Variants in AP5S1 observed in about 807,000 individuals in gnomAD.
The protein encoded by AP5S1 is AP-5 complex subunit sigma-1.
AP5S1 carries 13 observed loss-of-function variants against 13.9 expected under a neutral mutation model. The ratio of observed to expected loss-of-function variants is 0.94; its 90% confidence interval spans 0.61 to 1.49. The LOEUF is 1.49. Among genes scored for constraint, AP5S1 ranks in the 40% most tolerant of loss-of-function variants. The probability of loss-of-function intolerance (pLI) is 0.00; values close to 1 mark genes in which losing one functional copy is unlikely to be tolerated. For synonymous variants in AP5S1, 132 were observed against 121.8 expected, an observed-to-expected ratio of 1.08 and a Z score of -0.55; for missense variants, 292 against 272.3, an observed-to-expected ratio of 1.07 and a Z score of -0.51.
chr20:3,821,860 TG>T (rs1600423733), intron 1 of AP5S1: 1 of 948,452 alleles, frequency 1.1e-6, no homozygotes, highest in East Asian at 1.2e-4. Flanking sequence ...TTTGTTTGTT[TG>T]TTTGTTTTTC....
chr20:3,822,346 T>A (rs1600424603), intron 2 of AP5S1, 53 bp downstream of exon 2: 1 of 1,548,086 alleles, frequency 6.5e-7, no homozygotes, highest in African/African-American at 1.4e-5. Context: ...CTGATTGTAA[T>A]AGGTATTTTC....
chr20:3,824,089 T>A lies in AP5S1; in HGVS notation c.395T>A (p.Leu132Gln). 1.2e-6 allele frequency: 2 copies of A among 1,613,978 alleles called. No individual in the cohort carries two copies. Among genetic ancestry groups the A allele is most frequent in the Non-Finnish European group, 1.7e-6 (2 of 1,180,022 alleles). The change falls in exon 3 of 3, where the codon CTG becomes CAG. Residue 132 changes from leucine to glutamine, a missense_variant. Coordinates refer to ENST00000615891, the MANE Select transcript of AP5S1 (RefSeq NM_018347.3). ...CTGGTGCTGGATGCCCATGAGAACC[T>A]GCTACTGGCTGAGGGCACGCTCCGG... ...FALVLDAHEN[L>Q]LLAEGTLRLL...
Position 3,822,357 on chromosome 20 carries a change from G to A in AP5S1, c.176+64G>A, listed in dbSNP as rs970348417. ...GTACCTGATTGTAATAGGTATTTTC[G>A]GGGAGTGGGGACGCAGAGAAATAGG... On this transcript the variant is annotated intron_variant, in intron 2 of 2. Transcript: ENST00000615891. 51 of 1,510,728 alleles carry A rather than the reference G, an allele frequency of 3.4e-5. No homozygotes were observed. The African/African-American group carries it at 3.8e-4, about 11-fold the overall frequency. The allele number at this position is 1,510,728 out of a possible 1,614,324, so 93.6% of individuals were successfully genotyped here.
chr20:3,821,582 G>C (rs760795917), intron 1 of AP5S1, among the ~76,000 whole-genome samples: 2 of 152,066 alleles, frequency 1.3e-5, no homozygotes, highest in Non-Finnish European at 2.9e-5. Flanking sequence ...TGGCAGGCTG[G>C]TCTGGAACTC....
chr20:3,821,911 C>T (rs1352169059), intron 1 of AP5S1, 191 bp from the exon 2 acceptor site: 1 of 931,064 alleles, frequency 1.1e-6, no homozygotes, highest in Non-Finnish European at 1.3e-6. Flanking sequence ...GCCTATTCTG[C>T]TTATGTATGT....
rs6116060 is a variant in AP5S1, at chr20:3,827,993, C to T, written c.*3696C>T. ...GCCAGGCTGGTCTCGAACTCCTTAC[C>T]TCAGGTGATCCACCCATATTGGCCT... On this transcript the variant is annotated 3_prime_UTR_variant, in exon 3 of 3. Transcript: ENST00000615891. 1 of 151,870 alleles carries T rather than the reference C, an allele frequency of 6.6e-6. No individual in the cohort carries two copies. The highest frequency in any genetic ancestry group is 1.5e-5 in the Non-Finnish European group (1 of 67,994). 9.4% of individuals were successfully genotyped at this position (151,870 alleles called of 1,614,324 possible). A position where few individuals can be genotyped will look rare whatever the true frequency, so the allele number is the denominator to read the frequency against.
In AP5S1 at chr20:3,824,749, A is replaced by G. The variant is rs1342109984; in HGVS notation, c.*452A>G. The G allele has an allele frequency of 6.2e-6, 1 of 161,874 alleles. No homozygotes were observed. Among genetic ancestry groups the G allele is most frequent in the African/African-American group, 2.4e-5 (1 of 41,552 alleles). 10.0% of individuals were successfully genotyped at this position (161,874 alleles called of 1,614,324 possible). A position where few individuals can be genotyped will look rare whatever the true frequency, so the allele number is the denominator to read the frequency against. On this transcript the variant is annotated 3_prime_UTR_variant, in exon 3 of 3. Transcript: ENST00000615891. ...GGAGTTCAAGACCAGCCTGGCCAAC[A>G]TAGTGAAACCCCATCTCTACTAAAA...
Position 3,823,926 on chromosome 20 carries a change from G to T in AP5S1, c.232G>T (p.Asp78Tyr), listed in dbSNP as rs142312165. 220 of 1,605,042 alleles carry T rather than the reference G, an allele frequency of 1.4e-4. 1 individual carries two copies. In the African/African-American group the frequency reaches 2.3e-3, roughly 17 times the overall value. Residue 78 changes from aspartate (D) to tyrosine (Y), a missense_variant, in exon 3 of 3, where the codon GAC becomes TAC. By Grantham distance (160) the Asp-to-Tyr change is radical (BLOSUM62 -3). Coordinates refer to ENST00000615891, the MANE Select transcript of AP5S1 (RefSeq NM_018347.3). ...QQQASGRPPM[D>Y]LQPQSSDEQV... Reference sequence around the variant, plus strand: ...GCAGGCATCTGGCCGGCCCCCCATGGACCTGCAGCCGCAATCCTCAGATGA... The same window carrying T: ...GCAGGCATCTGGCCGGCCCCCCATGTACCTGCAGCCGCAATCCTCAGATGA...
rs901151775 is a variant in AP5S1, at chr20:3,822,062, G to A, written c.-16-40G>A. On this transcript the variant is annotated intron_variant, in intron 1 of 2. Transcript: ENST00000615891. The stretch of plus-strand genomic sequence containing the variant: ...TCCTGTGGTCGCCTCTCCTGCTGGG[G>A]TTCACTCTCACCTTACCAATGTCTC... The A allele has an allele frequency of 2.5e-5, 39 of 1,588,202 alleles. 1 individual carries two copies. Among genetic ancestry groups the A allele is most frequent in the Non-Finnish European group, 3.3e-5 (38 of 1,163,996 alleles).
Position 3,827,888 on chromosome 20 carries a change from A to C in AP5S1, c.*3591A>C, listed in dbSNP as rs1600429530. On this transcript the variant is annotated 3_prime_UTR_variant, in exon 3 of 3. Transcript: ENST00000615891. Reference sequence around the variant, plus strand: ...GCAATTCTACCGCCTCAGCCTCCCAAGTAGCTGGGATTACAAGCATGTGCC... The same window carrying C: ...GCAATTCTACCGCCTCAGCCTCCCACGTAGCTGGGATTACAAGCATGTGCC... 6.6e-6 allele frequency: 1 copy of C among 151,340 alleles called. No individual in the cohort carries two copies. Among genetic ancestry groups the C allele is most frequent in the Middle Eastern group, 3.4e-3 (1 of 290 alleles). The allele number at this position is 151,340 out of a possible 1,614,324, so 9.4% of individuals were successfully genotyped here.
Position 3,824,051 on chromosome 20 carries a change from G to C in AP5S1, c.357G>C (p.Ser119=), listed in dbSNP as rs545414217. 1 of 1,613,856 alleles carries C rather than the reference G, an allele frequency of 6.2e-7. No homozygotes were observed. The highest frequency in any genetic ancestry group is 1.6e-4 in the Middle Eastern group (1 of 6,062). ...CGGTGGTGTGGCTGGGCGTGCTCTC[G>C]TTAGGCTTTGCCCTGGTGCTGGATG... The part of the protein sequence containing the change: ...PRTVVWLGVL[S]LGFALVLDAH... Residue 119 remains serine (S), a synonymous_variant, in exon 3 of 3, where the codon TCG becomes TCC. Coordinates refer to ENST00000615891, the MANE Select transcript of AP5S1 (RefSeq NM_018347.3).
rs1325773984 is a variant in AP5S1 at position 3,827,125 on chromosome 20, C to G, written c.*2828C>G. ...GGCCAAACCACATATCCCTCAGCTT[C>G]TTGAGAGAACTAGAGACTTTGAGCA... On this transcript the variant is annotated 3_prime_UTR_variant, in exon 3 of 3. Transcript: ENST00000615891. The G allele has an allele frequency of 6.6e-6, 1 of 152,230 alleles. No homozygotes were observed. The highest frequency in any genetic ancestry group is 1.5e-5 in the Non-Finnish European group (1 of 68,062). 9.4% of individuals were successfully genotyped at this position (152,230 alleles called of 1,614,324 possible). A position where few individuals can be genotyped will look rare whatever the true frequency, so the allele number is the denominator to read the frequency against.
At chr20:3,822,054 C>A in intron 1 of AP5S1, 48 bp from the exon 2 acceptor site, 1 of 1,577,680 alleles carries the variant, frequency 6.3e-7, no homozygotes. Context: ...GTCGCCTCTC[C>A]TGCTGGGGTT....
chr20:3,824,124 C>T lies in AP5S1; in HGVS notation c.430C>T (p.Arg144Cys), dbSNP rs1247564639. Residue 144 changes from arginine to cysteine, a missense_variant, in exon 3 of 3, where the codon CGC becomes TGC. Physicochemically the swap from Arg to Cys is radical, Grantham distance 180 (BLOSUM62 -3). Transcript: ENST00000615891. ...LAEGTLRLLT[R>C]LLLDHLRLLA... ...TGAGGGCACGCTCCGGCTGCTGACA[C>T]GCCTCCTCCTTGACCACCTCCGGCT... 3.7e-6 allele frequency: 6 copies of T among 1,613,978 alleles called. No homozygotes were observed. Among genetic ancestry groups the T allele is most frequent in the Admixed American group, 3.3e-5 (2 of 60,022 alleles).
At chr20:3,822,973 G>A (rs907359876) in intron 2 of AP5S1, among the ~76,000 whole-genome samples, 1 of 152,140 alleles carries the variant, frequency 6.6e-6, no homozygotes, top group African/African-American at 2.4e-5. Context: ...TCTGGGTGGG[G>A]TAGCACCACT....
chr20:3,824,521 A>G lies in AP5S1; in HGVS notation c.*224A>G. ...TTCCTGAGCCTAGAGCTGCTGTGTT[A>G]CTTAGACCGCTGCCGTGCGGCAGCC... is the stretch of plus-strand genomic sequence containing the variant. On this transcript the variant is annotated 3_prime_UTR_variant, in exon 3 of 3. Transcript: ENST00000615891. 3.4e-6 allele frequency: 2 copies of G among 585,578 alleles called. No individual in the cohort carries two copies. The highest frequency in any genetic ancestry group is 6.0e-6 in the Non-Finnish European group (2 of 332,724). 36.3% of individuals were successfully genotyped at this position (585,578 alleles called of 1,614,324 possible). A position where few individuals can be genotyped will look rare whatever the true frequency, so the allele number is the denominator to read the frequency against.
intron 1 of AP5S1, among the ~76,000 whole-genome samples, chr20:3,821,384 T>G (rs1020467616): frequency 1.8e-4 from 27 of 152,210 alleles, no homozygotes; most frequent in African/African-American, 2.4e-5. Flanking sequence ...TTCTTTCTTT[T>G]TTTTTGAGAC....
At chr20:3,821,568 A>G (rs2089581612) in intron 1 of AP5S1, among the ~76,000 whole-genome samples, 2 of 152,074 alleles carry the variant, frequency 1.3e-5, no homozygotes, top group Non-Finnish European at 2.9e-5. Context: ...AGGTTTCACC[A>G]TGTTGGCAGG....
chr20:3,827,503 C>A lies in AP5S1; in HGVS notation c.*3206C>A, dbSNP rs943791497. 6.6e-6 allele frequency: 1 copy of A among 151,946 alleles called. No individual in the cohort carries two copies. The highest frequency in any genetic ancestry group is 2.4e-5 in the African/African-American group (1 of 41,342). The allele number at this position is 151,946 out of a possible 1,614,324, so 9.4% of individuals were successfully genotyped here. A position where few individuals can be genotyped will look rare whatever the true frequency, so the allele number is the denominator to read the frequency against. On this transcript the variant is annotated 3_prime_UTR_variant, in exon 3 of 3. Coordinates refer to ENST00000615891, the MANE Select transcript of AP5S1 (RefSeq NM_018347.3). Reference sequence around the variant, plus strand: ...GTCTACATCTCCTGACCTTGTGATCCGCCCGCCGTGGCCTCTCAAAGTACC... The same window carrying A: ...GTCTACATCTCCTGACCTTGTGATCAGCCCGCCGTGGCCTCTCAAAGTACC...
Sources: allele counts gnomAD v4.1 joint callset (sites outside exome capture counted in the v4.1 genomes callset), GRCh38; gene constraint gnomAD v4.1.1; transcripts MANE v1.5; gene names NCBI Gene and HGNC (gene_info 2026-07-23, HGNC 2026-07-21).